The following SCIN variants were observed in gnomAD, a reference collection of about 807,000 sequenced individuals.
SCIN encodes adseverin.
A neutral mutation model predicts 91.8 loss-of-function variants in SCIN; 91 were observed. The ratio of observed to expected loss-of-function variants is 0.99; its 90% CI spans 0.84 to 1.18. The LOEUF is 1.18. Among genes scored for constraint, SCIN ranks in the 50% most tolerant of loss-of-function variants. SCIN has a pLI of 0.00. For missense variants in SCIN, 1,087 were observed against 863.9 expected (o/e 1.26, Z -3.24); for synonymous variants, 367 against 312.6 (o/e 1.17, Z -1.84).
intron 15 of SCIN, 63 bp from the exon 16 acceptor site, chr7:12,652,525 T>C: frequency 7.0e-7 from 1 of 1,435,024 alleles, no homozygotes; most frequent in Non-Finnish European, 9.5e-7. Context: ...GAATTTTCAA[T>C]CTGCAGTTAC....
intron 4 of SCIN, among the ~76,000 whole-genome samples, chr7:12,607,756 T>C (rs2115254002): frequency 6.6e-6 from 1 of 152,348 alleles, no homozygotes; most frequent in South Asian, 2.1e-4. Context: ...GTCTTTTCGC[T>C]TTTGGAAATG....
At chr7:12,574,507 T>C (rs1236591065) in intron 1 of SCIN, among the ~76,000 whole-genome samples, 1 of 152,140 alleles carries the variant, frequency 6.6e-6, no homozygotes, top group Non-Finnish European at 1.5e-5. Context: ...GATAAAATTT[T>C]ATAGAACTAA....
intron 11 of SCIN, among the ~76,000 whole-genome samples, chr7:12,641,093 A>G (rs117106618): frequency 0.01 from 1,528 of 152,240 alleles, 9 homozygotes; most frequent in Non-Finnish European, 0.017. Flanking sequence ...CCTTAGGACA[A>G]TCCTGTCACC....
intron 3 of SCIN, among the ~76,000 whole-genome samples, chr7:12,602,620 CTTAATA>C (rs1386872132): frequency 6.6e-6 from 1 of 152,112 alleles, no homozygotes; most frequent in Non-Finnish European, 1.5e-5. Context: ...TTCCTAGGGT[CTTAATA>C]TTAATATTCC....
At chr7:12,575,240 T>C (rs1168620081) in intron 1 of SCIN, among the ~76,000 whole-genome samples, 3 of 141,916 alleles carry the variant, frequency 2.1e-5, no homozygotes, top group African/African-American at 8.0e-5. Flanking sequence ...GAGAGTTTTC[T>C]TTTTTTTTTT....
At chr7:12,625,269 T>C (rs2115273564) in intron 6 of SCIN, 127 bp downstream of exon 6, 1 of 870,006 alleles carries the variant, frequency 1.1e-6, no homozygotes, top group Non-Finnish European at 1.7e-6. Context: ...TCTATAAATG[T>C]CTCACATAAA....
At position 12,578,909 on chromosome 7, in the gene SCIN, G is replaced by GTTTTTTTTTTTTTTTTTTTTTTTT; in HGVS notation, c.354+706_354+707insTTTTTTTTTTTTTTTTTTTTTTTT. ...TAAGGCAGCCTTCAGTATAGGACAG[G>GTTTTTTTTTTTTTTTTTTTTTTTT]TTTTTTTTTTTTTTTGGCATCCTCC... On this transcript the variant is annotated intron_variant, in intron 2 of 15. Transcript: ENST00000297029. Among the ~76,000 whole-genome samples the GTTTTTTTTTTTTTTTTTTTTTTTT allele has an allele frequency of 2.0e-3, 174 of 85,852 alleles. 38 individuals are homozygous for GTTTTTTTTTTTTTTTTTTTTTTTT. Among genetic ancestry groups the GTTTTTTTTTTTTTTTTTTTTTTTT allele is most frequent in the African/African-American group, 7.6e-3 (147 of 19,402 alleles). 56.3% of individuals were successfully genotyped at this position (85,852 alleles called of 152,430 possible).
rs1784088448 is a variant in SCIN, at chr7:12,651,963, C to T, written c.2020+62C>T. The T allele has an allele frequency of 1.4e-5, 16 of 1,149,950 alleles. No individual in the cohort carries two copies. The South Asian group carries it at 1.6e-4, about 11-fold the overall frequency. 71.2% of individuals were successfully genotyped at this position (1,149,950 alleles called of 1,614,324 possible). On this transcript the variant is annotated intron_variant, in intron 15 of 15. Coordinates refer to ENST00000297029, the MANE Select transcript of SCIN (RefSeq NM_001112706.3). The surrounding 1 kb of genome is among the most constrained non-coding windows in gnomAD (Gnocchi z 5.9). The stretch of plus-strand genomic sequence containing the variant: ...GGCACCATTATGACCGAGTGTCTGG[C>T]TTGCTCTTTGCCACCATGTCTTACA...
chr7:12,597,509 G>T (rs1782868377), intron 3 of SCIN, among the ~76,000 whole-genome samples: 1 of 152,210 alleles, frequency 6.6e-6, no homozygotes, highest in Non-Finnish European at 1.5e-5. Flanking sequence ...TTTAAACACA[G>T]CCTCTGAAAT....
At chr7:12,617,173 C>T (rs1454786352) in intron 4 of SCIN, among the ~76,000 whole-genome samples, 1 of 151,916 alleles carries the variant, frequency 6.6e-6, no homozygotes, top group Non-Finnish European at 1.5e-5. Context: ...ATGCTTTGAC[C>T]AGGGAAAGAT....
chr7:12,586,500 C>T (rs1445811542), intron 3 of SCIN, among the ~76,000 whole-genome samples: 49 of 151,826 alleles, frequency 3.2e-4, no homozygotes, highest in Non-Finnish European at 1.9e-4. Context: ...ATTACTACAG[C>T]CATTATGAAA....
At chr7:12,649,952 C>G (rs1469105450) in intron 14 of SCIN, among the ~76,000 whole-genome samples, 1 of 152,068 alleles carries the variant, frequency 6.6e-6, no homozygotes. Context: ...TAGCCCTCCC[C>G]TGGGGAAGAA....
intron 2 of SCIN, among the ~76,000 whole-genome samples, 193 bp from the exon 3 acceptor site, chr7:12,580,867 C>A (rs529243357): frequency 6.6e-6 from 1 of 152,240 alleles, no homozygotes; most frequent in Non-Finnish European, 1.5e-5. Flanking sequence ...ATAAAGAGAC[C>A]AAACAAACAC....
chr7:12,583,043 C>A (rs6946787), intron 3 of SCIN, among the ~76,000 whole-genome samples: 3 of 151,826 alleles, frequency 2.0e-5, no homozygotes, highest in African/African-American at 4.8e-5. Flanking sequence ...GCGAGGGTCC[C>A]TTAACCAGAA....
rs760236603 is a variant in SCIN at position 12,640,401 on chromosome 7, A to G, written c.1465A>G (p.Lys489Glu). 1 of 1,613,370 alleles carries G rather than the reference A, an allele frequency of 6.2e-7. No individual in the cohort carries two copies. The highest frequency in any genetic ancestry group is 1.3e-5 in the African/African-American group (1 of 74,884). ...PVHLLSLFKD[K>E]PLIIYKNGTS... Reference sequence around the variant, plus strand: ...TCACCTACTGAGTTTGTTCAAAGACAAACCGCTCATTATTTACAAGAATGG... The same window carrying G: ...TCACCTACTGAGTTTGTTCAAAGACGAACCGCTCATTATTTACAAGAATGG... Residue 489 changes from lysine (K) to glutamate (E), a missense_variant, in exon 11 of 16, where the codon AAA becomes GAA. Transcript: ENST00000297029.
At chr7:12,644,117 T>C (rs1232449382) in intron 11 of SCIN, 21 bp from the exon 12 acceptor site, 1 of 1,599,886 alleles carries the variant, frequency 6.3e-7, no homozygotes, top group Non-Finnish European at 8.5e-7. Context: ...AATCATTGTT[T>C]TATTTTTCTT....
At chr7:12,588,818 G>T (rs1482995722) in intron 3 of SCIN, 1 of 73,380 alleles carries the variant, frequency 1.4e-5, no homozygotes, top group Non-Finnish European at 2.7e-5. Context: ...TGGGGGGGGG[G>T]GGGTGCGGGG....
chr7:12,618,558 T>TATATCCAGAGTGGGTGG (rs1783343703), intron 4 of SCIN, among the ~76,000 whole-genome samples: 1 of 152,168 alleles, frequency 6.6e-6, no homozygotes, highest in African/African-American at 2.4e-5. Flanking sequence ...GTTGGAATCT[T>TATATCCAGAGTGGGTGG]ATATCCAGAG....
rs944525725 is a variant in SCIN, at chr7:12,654,743, A to G, written c.*2028A>G. ...ATTTATAGCACAGGCCGAGGCATAT[A>G]GTAGGGTCTCAGTTAATATTTATTG... On this transcript the variant is annotated 3_prime_UTR_variant, in exon 16 of 16. Transcript: ENST00000297029. 1 of 152,148 alleles carries G rather than the reference A, an allele frequency of 6.6e-6. No homozygotes were observed. The highest frequency in any genetic ancestry group is 2.4e-5 in the African/African-American group (1 of 41,452). The allele number at this position is 152,148 out of a possible 1,614,324, so 9.4% of individuals were successfully genotyped here. A position where few individuals can be genotyped will look rare whatever the true frequency, so the allele number is the denominator to read the frequency against.
Sources: gnomAD v4.1 joint callset for allele counts (sites outside exome capture counted in the v4.1 genomes callset) on GRCh38, gnomAD v4.1.1 for gene constraint, Gnocchi (gnomAD v3.1) non-coding constraint, MANE v1.5 for transcripts, NCBI Gene and HGNC (gene_info 2026-07-23, HGNC 2026-07-21) for gene names.